The following PPP2R5C variants were observed in gnomAD, a reference collection of about 807,000 sequenced individuals.
PPP2R5C encodes the protein serine/threonine-protein phosphatase 2A 56 kDa regulatory subunit gamma isoform.
PPP2R5C carries 7 observed loss-of-function variants against 68.9 expected under a neutral mutation model. That is an observed-to-expected ratio of 0.10 (90% CI 0.06 to 0.19). The LOEUF is 0.19. Among genes scored for constraint, PPP2R5C ranks in the 10% least tolerant of loss-of-function variants. The pLI, the probability that PPP2R5C is intolerant of heterozygous loss-of-function variation, is 1.00. For synonymous variants in PPP2R5C, 210 were observed against 222.2 expected, an observed-to-expected ratio of 0.95 and a Z score of 0.49; for missense variants, 348 against 641.3, an observed-to-expected ratio of 0.54 and a Z score of 4.94.
intron 13 of PPP2R5C, 85 bp downstream of exon 15, chr14:101,918,032 A>G: frequency 6.4e-7 from 1 of 1,572,692 alleles, no homozygotes; most frequent in South Asian, 1.1e-5. Flanking sequence ...GATTTGCATC[A>G]GTGCCTTCTG....
At position 101,797,227 on chromosome 14, in the gene PPP2R5C, G is replaced by T; in HGVS notation, c.259+11044G>T. 1 of 456,012 alleles carries T rather than the reference G, an allele frequency of 2.2e-6. No homozygotes were observed. The highest frequency in any genetic ancestry group is 1.5e-5 in the South Asian group (1 of 64,558). The allele number at this position is 456,012 out of a possible 1,614,324, so 28.2% of individuals were successfully genotyped here. On this transcript the variant is annotated intron_variant, in intron 3 of 14. Transcript: ENST00000328724. The surrounding 1 kb of genome is among the most constrained non-coding windows in gnomAD (Gnocchi z 4.2). The stretch of plus-strand genomic sequence containing the variant: ...ATCTTCCAGGTCCCCCCACATTGTA[G>T]CACGTGCCAGACCCTCGCTCCCGTC...
intron 1 of PPP2R5C, among the ~76,000 whole-genome samples, chr14:101,762,438 C>G (rs1345639281): frequency 6.6e-6 from 1 of 151,724 alleles, no homozygotes; most frequent in Non-Finnish European, 1.5e-5. Context: ...CTCTGGGGCT[C>G]TCGAACACTA....
intron 13 of PPP2R5C, among the ~76,000 whole-genome samples, chr14:101,921,583 A>G (rs1441238617): frequency 6.6e-6 from 1 of 151,992 alleles, no homozygotes; most frequent in African/African-American, 2.4e-5. Context: ...TGGTGACCAA[A>G]TTGACGTAAG....
At chr14:101,826,998 C>T (rs1399115919) in intron 1 of PPP2R5C, among the ~76,000 whole-genome samples, 7 of 103,472 alleles carry the variant, frequency 6.8e-5, no homozygotes, top group East Asian at 5.9e-4. Context: ...TTTTTTGAGA[C>T]GGAGTCTTGC....
In PPP2R5C at chr14:101,908,170, T is replaced by C. The variant is rs149086373; in HGVS notation, c.1152-1419T>C. 4.6e-3 allele frequency among the ~76,000 whole-genome samples: 696 copies of C among 152,298 alleles called. 25 individuals carry two copies. The highest frequency in any genetic ancestry group is 7.2e-4 in the Non-Finnish European group (49 of 68,020). On this transcript the variant is annotated intron_variant, in intron 10 of 13. Coordinates refer to ENST00000334743, the Ensembl canonical transcript of PPP2R5C. ...CTTCACTTGGTTGTGAGGATTAAGA[T>C]AAAGTTAATATGCGTAAAGTACCTG...
intron 3 of PPP2R5C, among the ~76,000 whole-genome samples, chr14:101,798,422 G>T (rs66910155): frequency 0.084 from 12,795 of 152,182 alleles, 599 homozygotes; most frequent in Middle Eastern, 0.14. Flanking sequence ...CAGGTAGTTT[G>T]TTTTTAAGTA....
chr14:101,883,364 A>G lies in PPP2R5C; in HGVS notation c.498+15A>G. On this transcript the variant is annotated intron_variant, in intron 4 of 13. Coordinates refer to ENST00000334743, the Ensembl canonical transcript of PPP2R5C. ...TTGTATTGCAGGTAAGGTACAAATT[A>G]GCTGACACTCTGAAAGCCCTGATGG... 2 of 1,606,812 alleles carry G rather than the reference A, an allele frequency of 1.2e-6. No individual in the cohort carries two copies. The highest frequency in any genetic ancestry group is 1.7e-6 in the Non-Finnish European group (2 of 1,177,178).
At chr14:101,809,813 C>T (rs2140182338), upstream of PPP2R5C, 1 of 1,403,584 alleles carries the variant, frequency 7.1e-7, no homozygotes, top group Non-Finnish European at 9.3e-7. Context: ...AGCTTCATGC[C>T]TGCTGACATC....
intron 1 of PPP2R5C, among the ~76,000 whole-genome samples, chr14:101,817,664 C>A (rs1004979803): frequency 6.6e-6 from 1 of 152,164 alleles, no homozygotes; most frequent in African/African-American, 2.4e-5. Flanking sequence ...GACCTGGAGC[C>A]ACACGCCAGG....
intron 2 of PPP2R5C, among the ~76,000 whole-genome samples, chr14:101,785,420 T>A (rs1566836452): frequency 1.3e-5 from 2 of 152,298 alleles, no homozygotes; most frequent in East Asian, 3.9e-4. Flanking sequence ...GAGAATCTAT[T>A]TCCAGCCTTT....
rs1011662516 is a variant in PPP2R5C at position 101,781,417 on chromosome 14, G to A, written c.94-4601G>A. Among the ~76,000 whole-genome samples, 4 of 152,168 alleles carry A rather than the reference G, an allele frequency of 2.6e-5. No individual in the cohort carries two copies. Among genetic ancestry groups the A allele is most frequent in the Non-Finnish European group, 5.9e-5 (4 of 68,014 alleles). On this transcript the variant is annotated intron_variant, in intron 2 of 14. Coordinates refer to the PPP2R5C transcript ENST00000328724. This position sits in a 1 kb window ranked among gnomAD's most constrained non-coding sequence, Gnocchi z 6.4. ...TAGGCTGCCAAGGCGCGCTGTGCGCGTGGGGCCAGGCTCGACCTCACTCCT... is the reference window on the plus strand; with the variant it reads ...TAGGCTGCCAAGGCGCGCTGTGCGCATGGGGCCAGGCTCGACCTCACTCCT...
At chr14:101,762,775 C>G in intron 1 of PPP2R5C, 130 bp from the exon 2 acceptor site, 1 of 758,996 alleles carries the variant, frequency 1.3e-6, no homozygotes, top group East Asian at 2.7e-5. Context: ...ATAGAATTTC[C>G]TAATGGTATG....
rs1304338046 is a variant in PPP2R5C at position 101,916,258 on chromosome 14, G to A, written c.1327-1573G>A. 6.6e-6 allele frequency among the ~76,000 whole-genome samples: 1 copy of A among 152,194 alleles called. No individual in the cohort carries two copies. The highest frequency in any genetic ancestry group is 1.5e-5 in the Non-Finnish European group (1 of 68,036). ...GGAGCTGTGGGAGTGAAGGCACAGG[G>A]CGCTGAGGACCTGGTCTGACTGGCC... On this transcript the variant is annotated intron_variant, in intron 12 of 13. Transcript: ENST00000334743. The surrounding 1 kb of genome is among the most constrained non-coding windows in gnomAD (Gnocchi z 5.5).
chr14:101,770,812 A>G (rs1201263675), intron 2 of PPP2R5C, among the ~76,000 whole-genome samples: 3 of 152,272 alleles, frequency 2.0e-5, no homozygotes, highest in Non-Finnish European at 4.4e-5. Context: ...GATGGTGGAA[A>G]GGTTTCCACC....
At chr14:101,858,249 A>T (rs775563235) in intron 2 of PPP2R5C, among the ~76,000 whole-genome samples, 8 of 152,214 alleles carry the variant, frequency 5.3e-5, no homozygotes, top group Non-Finnish European at 1.0e-4. Context: ...GGCCCACTCT[A>T]GCCCCAGAAT....
intron 5 of PPP2R5C, among the ~76,000 whole-genome samples, chr14:101,885,427 C>T (rs1297910772): frequency 1.3e-5 from 2 of 151,524 alleles, no homozygotes; most frequent in African/African-American, 4.9e-5. Context: ...GCTTGCACAG[C>T]CTGCGTCGGG....
chr14:101,810,803 C>A (rs181110072), intron 1 of PPP2R5C, among the ~76,000 whole-genome samples: 33 of 152,286 alleles, frequency 2.2e-4, no homozygotes, highest in African/African-American at 7.2e-4. Flanking sequence ...CCTAAAAGCA[C>A]AACTACTCTA....
rs114360097 is a variant in PPP2R5C, at chr14:101,890,376, C to T, written c.689+80C>T. 2,518 of 1,343,002 alleles carry T rather than the reference C, an allele frequency of 1.9e-3. 30 individuals are homozygous for T. The African/African-American group carries it at 0.03, about 16-fold the overall frequency. 83.2% of individuals were successfully genotyped at this position (1,343,002 alleles called of 1,614,324 possible). On this transcript the variant is annotated intron_variant, in intron 6 of 13. Coordinates refer to ENST00000334743, the Ensembl canonical transcript of PPP2R5C. ...ATCCATTTCATTGAGTCCAGCTGCCCGCTTTAAAGCAAGGCAGTTTAAACC... is the reference window on the plus strand; with the variant it reads ...ATCCATTTCATTGAGTCCAGCTGCCTGCTTTAAAGCAAGGCAGTTTAAACC...
intron 2 of PPP2R5C, among the ~76,000 whole-genome samples, chr14:101,780,715 C>T (rs560949139): frequency 7.4e-4 from 113 of 152,282 alleles, no homozygotes; most frequent in African/African-American, 2.6e-3. Context: ...CTGGACTTTC[C>T]GGCATTAAAA....
Sources: gnomAD v4.1 joint callset for allele counts (sites outside exome capture counted in the v4.1 genomes callset) on GRCh38, gnomAD v4.1.1 for gene constraint, Gnocchi (gnomAD v3.1) non-coding constraint, MANE v1.5 for transcripts, NCBI Gene and HGNC (gene_info 2026-07-23, HGNC 2026-07-21) for gene names.